The following AGBL2 variants were observed in gnomAD, a reference collection of about 807,000 sequenced individuals.
The protein encoded by AGBL2 is AGBL carboxypeptidase 2, also known as cytosolic carboxypeptidase 2.
AGBL2 carries 87 observed loss-of-function variants against 103.0 expected under a neutral mutation model. That is an observed-to-expected ratio of 0.84 (90% CI 0.71 to 1.01). The LOEUF (loss-of-function observed/expected upper bound fraction) is 1.01, where lower values mean the gene tolerates loss of function less well. Ranked by LOEUF, AGBL2 falls within the 50% of genes least tolerant of loss-of-function variation. AGBL2 has a pLI of 0.00. For missense variants in AGBL2, 904 were observed against 1,023.5 expected, an observed-to-expected ratio of 0.88 and a Z score of 1.59; for synonymous variants, 335 against 356.7, an observed-to-expected ratio of 0.94 and a Z score of 0.69.
intron 4 of AGBL2, among the ~76,000 whole-genome samples, chr11:47,707,952 C>G (rs1381312174): frequency 6.6e-6 from 1 of 152,038 alleles, no homozygotes; most frequent in Non-Finnish European, 1.5e-5. Flanking sequence ...AAGGGTCTCT[C>G]TATGTTGCCC....
chr11:47,704,643 T>C lies in AGBL2; in HGVS notation c.486A>G (p.Glu162=). Residue 162 remains glutamate (E), a synonymous_variant, in exon 7 of 19, where the codon GAA becomes GAG. Transcript: ENST00000525123. ...ACAAAATGGAAAAGAGCTCTTGGGG[T>C]TCTCGAAGACGTGGGTTTACTTCAT... The part of the protein sequence containing the change: ...ELDEVNPRLR[E]PQELFSILST... The C allele has an allele frequency of 6.2e-7, 1 of 1,613,996 alleles. No individual in the cohort carries two copies. Among genetic ancestry groups the C allele is most frequent in the Non-Finnish European group, 8.5e-7 (1 of 1,179,990 alleles).
chr11:47,679,052 C>A (rs1488469524), intron 13 of AGBL2, among the ~76,000 whole-genome samples: 1 of 87,746 alleles, frequency 1.1e-5, no homozygotes, highest in Non-Finnish European at 2.0e-5. Context: ...GATGGAGACC[C>A]TGTCTCAAAA....
chr11:47,710,305 A>G (rs2097533123), intron 4 of AGBL2, 72 bp downstream of exon 4: 2 of 1,597,176 alleles, frequency 1.3e-6, no homozygotes, highest in Admixed American at 1.7e-5. Flanking sequence ...GTTAGAGCAG[A>G]TTCTTCTGAA....
chr11:47,704,058 C>T (rs1301187309), intron 7 of AGBL2, among the ~76,000 whole-genome samples: 5 of 151,410 alleles, frequency 3.3e-5, no homozygotes, highest in East Asian at 3.9e-4. Context: ...GTCGAGATTG[C>T]GCCACTGCAC....
intron 10 of AGBL2, among the ~76,000 whole-genome samples, chr11:47,688,420 C>G (rs1347725121): frequency 1.3e-5 from 2 of 152,076 alleles, no homozygotes; most frequent in Non-Finnish European, 2.9e-5. Flanking sequence ...GAAAAAGAAC[C>G]AAAGAAAGCC....
intron 8 of AGBL2, among the ~76,000 whole-genome samples, chr11:47,692,977 C>G (rs2097454005): frequency 1.3e-5 from 2 of 151,986 alleles, no homozygotes. Context: ...CACCACCACA[C>G]CCAACTAATT....
At chr11:47,670,121 T>A (rs2097352999) in intron 14 of AGBL2, among the ~76,000 whole-genome samples, 1 of 152,246 alleles carries the variant, frequency 6.6e-6, no homozygotes. Context: ...ATTCTCAATG[T>A]GCAGGCCTAG....
In AGBL2 at chr11:47,672,696, G is replaced by A. The variant is rs990887562; in HGVS notation, c.2148-3789C>T. 2.6e-5 allele frequency among the ~76,000 whole-genome samples: 4 copies of A among 152,120 alleles called. No homozygotes were observed. The South Asian group carries it at 8.3e-4, about 32-fold the overall frequency. ...GTTAGGCATAGGATTCTGAGAGAGT[G>A]GAAGGGATGACATGGTGAATGGGGC... On this transcript the variant is annotated intron_variant, in intron 14 of 18. Coordinates refer to ENST00000525123, the MANE Select transcript of AGBL2 (RefSeq NM_024783.4).
At chr11:47,674,985 C>T (rs1262765422) in intron 14 of AGBL2, among the ~76,000 whole-genome samples, 5 of 152,002 alleles carry the variant, frequency 3.3e-5, no homozygotes, top group Admixed American at 6.6e-5. Context: ...CTGCCAGCCT[C>T]GGCCTCCCAA....
In AGBL2 at chr11:47,685,933, C is replaced by T. The variant is rs1375380047; in HGVS notation, c.1748G>A (p.Arg583Gln). ...TTTGCATAACATTAAAGGAAAGACTCGTTCATGAAGCCAGTATTTGCGATT... is the reference window on the plus strand; with the variant it reads ...TTTGCATAACATTAAAGGAAAGACTTGTTCATGAAGCCAGTATTTGCGATT... Reference protein sequence around the residue: ...NNNRKYWLHERVFPLMLCKNA... With the variant: ...NNNRKYWLHEQVFPLMLCKNA... The change falls in exon 11 of 19, where the codon CGA becomes CAA. Residue 583 changes from arginine (R) to glutamine (Q), a missense_variant. Transcript: ENST00000525123. 6 of 1,613,878 alleles carry T rather than the reference C, an allele frequency of 3.7e-6. No homozygotes were observed. The highest frequency in any genetic ancestry group is 4.2e-6 in the Non-Finnish European group (5 of 1,179,988).
chr11:47,703,754 C>T (rs11604825), intron 7 of AGBL2, among the ~76,000 whole-genome samples: 41,392 of 151,406 alleles, frequency 0.27, 6,611 homozygotes, highest in Middle Eastern at 0.37. Context: ...GGAGAAACCC[C>T]GTTTCTACTA....
chr11:47,684,316 C>G (rs539434854), intron 11 of AGBL2, among the ~76,000 whole-genome samples: 1 of 151,538 alleles, frequency 6.6e-6, no homozygotes, highest in African/African-American at 2.4e-5. Flanking sequence ...ACCTATAATC[C>G]CAGCACTTTG....
chr11:47,668,803 TA>T, intron 15 of AGBL2, 37 bp downstream of exon 15: 1 of 1,547,946 alleles, frequency 6.5e-7, no homozygotes, highest in Non-Finnish European at 8.9e-7. Flanking sequence ...GACTTTTTTT[TA>T]AGGCTGCTAT....
intron 8 of AGBL2, among the ~76,000 whole-genome samples, chr11:47,698,232 G>A (rs2097484421): frequency 6.9e-6 from 1 of 144,598 alleles, no homozygotes; most frequent in South Asian, 2.1e-4. Context: ...GGAGTGCATG[G>A]CACGATCTTG....
At chr11:47,690,000 A>C (rs560602253) in intron 10 of AGBL2, 76 bp downstream of exon 10, 1 of 1,327,958 alleles carries the variant, frequency 7.5e-7, no homozygotes, top group Non-Finnish European at 1.0e-6. Flanking sequence ...AAGAGACCTC[A>C]TACCCCATCA....
intron 17 of AGBL2, among the ~76,000 whole-genome samples, chr11:47,663,503 C>G (rs1053501605): frequency 8.6e-5 from 13 of 151,558 alleles, no homozygotes; most frequent in Non-Finnish European, 1.9e-4. Context: ...TTGCCACCAG[C>G]TGTGCTCTGT....
chr11:47,675,854 A>T (rs1190309209), intron 14 of AGBL2, among the ~76,000 whole-genome samples: 1 of 151,968 alleles, frequency 6.6e-6, no homozygotes, highest in East Asian at 1.9e-4. Context: ...AAAAACACAA[A>T]AATTAACCGG....
chr11:47,697,224 C>T (rs1250842972), intron 8 of AGBL2, among the ~76,000 whole-genome samples: 2 of 151,674 alleles, frequency 1.3e-5, no homozygotes, highest in Admixed American at 1.3e-4. Context: ...GCACCACATC[C>T]AGCCTCTTAA....
intron 14 of AGBL2, among the ~76,000 whole-genome samples, chr11:47,675,173 A>G (rs1282837978): frequency 1.4e-5 from 2 of 143,096 alleles, no homozygotes; most frequent in Admixed American, 7.2e-5. Flanking sequence ...CTCTATCTGC[A>G]CTTACTTCCT....
Sources: allele counts gnomAD v4.1 joint callset (sites outside exome capture counted in the v4.1 genomes callset), GRCh38; gene constraint gnomAD v4.1.1; transcripts MANE v1.5; gene names NCBI Gene and HGNC (gene_info 2026-07-23, HGNC 2026-07-21).